CPNE4: variants seen among roughly 807,000 people sequenced by gnomAD.
CPNE4 encodes the protein copine 4.
In CPNE4, 25 loss-of-function variants were observed where a neutral mutation model predicts 67.9. The observed-to-expected ratio is 0.37, with a 90% CI of 0.27 to 0.51. The LOEUF is 0.51. Among genes scored for constraint, CPNE4 ranks in the 20% least tolerant of loss-of-function variants. CPNE4 has a pLI of 0.93. For synonymous variants in CPNE4, 242 were observed against 244.9 expected (o/e 0.99, Z 0.11); for missense variants, 464 against 690.8 (o/e 0.67, Z 3.68).
intron 1 of CPNE4, among the ~76,000 whole-genome samples, chr3:131,938,116 G>T (rs1373734156): frequency 6.6e-6 from 1 of 152,150 alleles, no homozygotes; most frequent in Non-Finnish European, 1.5e-5. Flanking sequence ...CCAGCACTTT[G>T]TGAGGCCAAG....
At chr3:131,776,291 G>C in intron 2 of CPNE4, among the ~76,000 whole-genome samples, 1 of 101,424 alleles carries the variant, frequency 9.9e-6, no homozygotes, top group Non-Finnish European at 2.6e-5. Context: ...CCTTCTCATA[G>C]GTCAGGAAGC....
intron 9 of CPNE4, among the ~76,000 whole-genome samples, chr3:131,580,113 T>C (rs927141597): frequency 9.2e-5 from 14 of 152,152 alleles, no homozygotes; most frequent in African/African-American, 2.9e-4. Flanking sequence ...ATTACCACCA[T>C]GATCAGTCAG....
At chr3:131,584,743 G>A (rs1938067332) in intron 8 of CPNE4, among the ~76,000 whole-genome samples, 1 of 152,154 alleles carries the variant, frequency 6.6e-6, no homozygotes, top group Admixed American at 6.6e-5. Context: ...ATCAAATATA[G>A]TAGCCACCAG....
upstream of CPNE4, among the ~76,000 whole-genome samples, chr3:132,037,191 T>C (rs1307004155): frequency 1.3e-5 from 2 of 152,216 alleles, no homozygotes; most frequent in African/African-American, 4.8e-5. Context: ...ATACACAAAC[T>C]AAACACAATG....
chr3:131,650,744 C>CAAAAAAAAAAAAAA lies in CPNE4; in HGVS notation c.681+18917_681+18930dup, dbSNP rs141219633. Among the ~76,000 whole-genome samples, 22 of 61,198 alleles carry CAAAAAAAAAAAAAA rather than the reference C, an allele frequency of 3.6e-4. 1 individual carries two copies. Among genetic ancestry groups the CAAAAAAAAAAAAAA allele is most frequent in the African/African-American group, 9.5e-4 (11 of 11,526 alleles). 40.1% of individuals were successfully genotyped at this position (61,198 alleles called of 152,430 possible). On this transcript the variant is annotated intron_variant, in intron 7 of 15. Transcript: ENST00000429747. ...TGGGGGACAGAGCAAGACTCCGTCT[C>CAAAAAAAAAAAAAA]AAAAAAAAAAAAAAAAAAAAAAAAA... is the stretch of plus-strand genomic sequence containing the variant.
intron 1 of CPNE4, among the ~76,000 whole-genome samples, chr3:132,000,029 T>A (rs1461556309): frequency 7.1e-6 from 1 of 140,860 alleles, no homozygotes; most frequent in Non-Finnish European, 1.5e-5. Context: ...ACATCTACTG[T>A]GCCCCTATAC....
At chr3:131,763,961 T>C (rs1189450877) in intron 2 of CPNE4, among the ~76,000 whole-genome samples, 5 of 152,128 alleles carry the variant, frequency 3.3e-5, no homozygotes, top group Admixed American at 2.0e-4. Context: ...TGCCAGGGTC[T>C]CTAAGCATTT....
intron 5 of CPNE4, 46 bp from the exon 6 acceptor site, chr3:131,686,004 A>T (rs781098715): frequency 1.9e-5 from 20 of 1,038,906 alleles, no homozygotes; most frequent in Non-Finnish European, 2.8e-5. Flanking sequence ...CCTGCATTTG[A>T]TCTAGTCCTG....
At chr3:131,689,163 G>A (rs966632579) in intron 5 of CPNE4, among the ~76,000 whole-genome samples, 48 of 152,136 alleles carry the variant, frequency 3.2e-4, no homozygotes, top group Non-Finnish European at 5.3e-4. Context: ...CTGAATAACT[G>A]TGGACAAAAT....
rs111647386 is a variant in CPNE4 at position 132,033,624 on chromosome 3, G to C, written c.-2+943C>G. 7.5e-4 allele frequency among the ~76,000 whole-genome samples: 114 copies of C among 152,322 alleles called. 1 individual carries two copies. The highest frequency in any genetic ancestry group is 2.4e-3 in the African/African-American group (99 of 41,570). ...TTCCCTGGAGCCTAGCAGGTTCTGG[G>C]GCTGAAAGGCAATCCGCCAAGGCGC... On this transcript the variant is annotated intron_variant, in intron 1 of 15. Transcript: ENST00000429747.
chr3:131,538,071 A>G (rs928368580), intron 15 of CPNE4, among the ~76,000 whole-genome samples: 2 of 152,248 alleles, frequency 1.3e-5, no homozygotes, highest in Admixed American at 1.3e-4. Context: ...TTCCTGGGGC[A>G]TAATGTTACC....
At chr3:132,028,750 A>G (rs1211417361) in intron 1 of CPNE4, among the ~76,000 whole-genome samples, 1 of 152,190 alleles carries the variant, frequency 6.6e-6, no homozygotes, top group Non-Finnish European at 1.5e-5. Context: ...AGGAGCATTA[A>G]GCACTTAAAA....
chr3:131,596,131 T>G (rs1604573), intron 7 of CPNE4, among the ~76,000 whole-genome samples: 19,076 of 152,010 alleles, frequency 0.13, 1,568 homozygotes, highest in African/African-American at 0.23. Context: ...TAGATCTCAT[T>G]TTAAGTGTTC....
intron 2 of CPNE4, among the ~76,000 whole-genome samples, chr3:131,825,584 A>G (rs568051546): frequency 6.6e-6 from 1 of 152,304 alleles, no homozygotes; most frequent in East Asian, 1.9e-4. Context: ...ACTATTCCAC[A>G]TGAAGACAGT....
rs114232992 is a variant in CPNE4, at chr3:131,608,859, C to A, written c.682-21277G>T. 3.3e-5 allele frequency among the ~76,000 whole-genome samples: 5 copies of A among 152,168 alleles called. No individual in the cohort carries two copies. In the South Asian group the frequency reaches 1.0e-3, roughly 32 times the overall value. On this transcript the variant is annotated intron_variant, in intron 7 of 15. Coordinates refer to ENST00000429747, the MANE Select transcript of CPNE4 (RefSeq NM_130808.3). ...TTCTCTAGCCTCATTCCACAACACTCCCCCACCTCCCTGACACCCCCATTT... is the reference window on the plus strand; with the variant it reads ...TTCTCTAGCCTCATTCCACAACACTACCCCACCTCCCTGACACCCCCATTT...
chr3:131,603,905 G>C (rs763849656), intron 7 of CPNE4, among the ~76,000 whole-genome samples: 1 of 152,088 alleles, frequency 6.6e-6, no homozygotes. Context: ...GGGGCTAAAG[G>C]CTGTCTTACC....
intron 1 of CPNE4, among the ~76,000 whole-genome samples, chr3:132,014,397 C>A (rs984711009): frequency 6.6e-6 from 1 of 152,028 alleles, no homozygotes; most frequent in African/African-American, 2.4e-5. Context: ...GGAACAAGCA[C>A]CCTGACTTTC....
rs2082491144 is a variant in CPNE4, at chr3:131,746,440, C to G, written c.181-22815G>C. On this transcript the variant is annotated intron_variant, in intron 2 of 15. Coordinates refer to ENST00000429747, the MANE Select transcript of CPNE4 (RefSeq NM_130808.3). ...CAAGGCCTTCTCTCCCCTCTTCTCC[C>G]CATCCTCTGGTAGCTACAATTCTAC... Among the ~76,000 whole-genome samples the G allele has an allele frequency of 2.0e-5, 3 of 152,078 alleles. No individual in the cohort carries two copies. The South Asian group carries it at 6.2e-4, about 31-fold the overall frequency.
At chr3:131,796,799 C>T (rs562218509) in intron 2 of CPNE4, among the ~76,000 whole-genome samples, 2 of 152,368 alleles carry the variant, frequency 1.3e-5, no homozygotes, top group African/African-American at 2.4e-5. Context: ...ATCAGTGCCA[C>T]TGTGGCTCAC....
Sources: allele counts gnomAD v4.1 joint callset (sites outside exome capture counted in the v4.1 genomes callset), GRCh38; gene constraint gnomAD v4.1.1; transcripts MANE v1.5; gene names NCBI Gene and HGNC (gene_info 2026-07-23, HGNC 2026-07-21).